Variants in SON observed in about 807,000 individuals in gnomAD.
The protein encoded by SON is SON DNA and RNA binding protein, also known as protein SON.
SON carries 4 observed loss-of-function variants against 173.3 expected under a neutral mutation model. The ratio of observed to expected loss-of-function variants is 0.02; its 90% CI spans 0.01 to 0.05. The LOEUF (loss-of-function observed/expected upper bound fraction) is 0.05. Among genes scored for constraint, SON ranks in the 10% least tolerant of loss-of-function variants. SON has a pLI of 1.00. For missense variants in SON, 2,626 were observed against 3,055.3 expected (o/e 0.86, Z 3.31); for synonymous variants, 1,190 against 1,105.9 (o/e 1.08, Z -1.51).
chr21:33,564,946 T>C (rs1451477369), intron 6 of SON, among the ~76,000 whole-genome samples: 1 of 151,874 alleles, frequency 6.6e-6, no homozygotes, highest in Non-Finnish European at 1.5e-5. Flanking sequence ...GCTCCCTTGG[T>C]AAGTCTGTTG....
In SON at chr21:33,575,806, G is replaced by A. The variant is rs751542961; in HGVS notation, c.7134G>A (p.Glu2378=). ...SGKHPVSALM[E]ICNKRRWQPP... ...AACATCCTGTGTCTGCTTTGATGGA[G>A]ATCTGTAATAAAAGAAGGTGGCAAC... is the stretch of plus-strand genomic sequence containing the variant. The change falls in exon 11 of 12, where the codon GAG becomes GAA. Residue 2378 remains glutamate (E), a synonymous_variant. Transcript: ENST00000356577. The A allele has an allele frequency of 7.4e-6, 12 of 1,611,822 alleles. No individual in the cohort carries two copies. In the South Asian group the frequency reaches 1.3e-4, roughly 18 times the overall value.
At chr21:33,547,066 C>T (rs1044130603) in intron 2 of SON, 3 of 152,206 alleles carry the variant, frequency 2.0e-5, no homozygotes, top group African/African-American at 7.2e-5. Flanking sequence ...CCTCCGCCTC[C>T]CAGGTTCAAG....
intron 6 of SON, among the ~76,000 whole-genome samples, chr21:33,562,623 T>C (rs1375717071): frequency 1.3e-5 from 2 of 152,172 alleles, no homozygotes; most frequent in African/African-American, 4.8e-5. Flanking sequence ...CATCAGACTG[T>C]GTGCGGTACT....
chr21:33,555,107 C>T lies in SON; in HGVS notation c.5876C>T (p.Thr1959Ile). Residue 1959 changes from threonine (T) to isoleucine (I), a missense_variant, in exon 3 of 12, where the codon ACC (threonine) becomes ATC (isoleucine). Thr to Ile is a moderately conservative substitution (Grantham distance 89, BLOSUM62 -1). Coordinates refer to ENST00000356577, the MANE Select transcript of SON (RefSeq NM_138927.4). ...FSISPSRRSR[T>I]PSRRSRTPSR... ...ATTTCCCCAAGCCGCCGCAGCCGCA[C>T]CCCCAGCCGCCGCAGCCGCACCCCC... is the stretch of plus-strand genomic sequence containing the variant. 6.7e-7 allele frequency: 1 copy of T among 1,502,716 alleles called. No individual in the cohort carries two copies. Among genetic ancestry groups the T allele is most frequent in the East Asian group, 2.6e-5 (1 of 37,926 alleles). The allele number at this position is 1,502,716 out of a possible 1,614,324, so 93.1% of individuals were successfully genotyped here. A position where few individuals can be genotyped will look rare whatever the true frequency, so the allele number is the denominator to read the frequency against.
intron 1 of SON, chr21:33,543,437 T>C (rs36205360): frequency 0.011 from 5,329 of 491,578 alleles, 239 homozygotes; most frequent in African/African-American, 0.093. Context: ...CTCCCCTGTT[T>C]GGGTCCCCCC....
intron 9 of SON, among the ~76,000 whole-genome samples, chr21:33,574,775 G>A (rs1370725141): frequency 6.6e-6 from 1 of 152,168 alleles, no homozygotes; most frequent in African/African-American, 2.4e-5. Context: ...AGCAGTGTTT[G>A]GGTTTAGCAA....
chr21:33,546,256 A>G lies in SON; in HGVS notation c.121A>G (p.Ile41Val), dbSNP rs202224123. 2.3e-5 allele frequency: 37 copies of G among 1,613,962 alleles called. No homozygotes were observed. The Admixed American group carries it at 4.5e-4, about 20-fold the overall frequency. Residue 41 changes from isoleucine to valine, a missense_variant, in exon 2 of 12, where the codon ATT becomes GTT. By Grantham distance (29) the Ile-to-Val change is conservative. Around this residue, in one of 13 missense-constraint regions of SON, gnomAD observed 757 missense variants for 730.1 expected, o/e 1.04. Transcript: ENST00000356577. ...GQLNGETNTP[I>V]EGNQAGDAAA... ...GCTGAATGGTGAAACAAATACACCC[A>G]TTGAAGGAAACCAGGCGGGTGATGC...
chr21:33,545,610 T>C (rs2085596124), intron 1 of SON, among the ~76,000 whole-genome samples: 1 of 152,264 alleles, frequency 6.6e-6, no homozygotes, highest in Non-Finnish European at 1.5e-5. Flanking sequence ...ATGCCACTTG[T>C]TTTATGTGAG....
intron 8 of SON, chr21:33,569,452 TC>T: frequency 3.0e-6 from 1 of 331,910 alleles, no homozygotes; most frequent in South Asian, 2.5e-5. Context: ...CTCAAATTTT[TC>T]TTCATCATGG....
At chr21:33,560,652 GTTTAC>G (rs1192914028) in intron 6 of SON, 3 of 942,618 alleles carry the variant, frequency 3.2e-6, no homozygotes, top group African/African-American at 3.6e-5. Context: ...TTAATAAACA[GTTTAC>G]TTTTATTTAA....
chr21:33,559,146 G>T lies in SON; in HGVS notation c.6322-84G>T. 9.2e-7 allele frequency: 1 copy of T among 1,087,420 alleles called. No individual in the cohort carries two copies. Among genetic ancestry groups the T allele is most frequent in the South Asian group, 1.8e-5 (1 of 54,852 alleles). 67.4% of individuals were successfully genotyped at this position (1,087,420 alleles called of 1,614,324 possible). ...GAATCTTGTTTAACTTTGGAAAGTT[G>T]CTATTATGTGGTTTTGATTCTAAGA... On this transcript the variant is annotated intron_variant, in intron 4 of 11. Coordinates refer to ENST00000356577, the MANE Select transcript of SON (RefSeq NM_138927.4). The surrounding 1 kb of genome is among the most constrained non-coding windows in gnomAD (Gnocchi z 4.1).
intron 1 of SON, among the ~76,000 whole-genome samples, chr21:33,544,373 CA>C (rs918129323): frequency 9.1e-4 from 138 of 152,290 alleles, no homozygotes; most frequent in Middle Eastern, 3.4e-3. Flanking sequence ...ATTTTCCTGA[CA>C]AATCTCTGGC....
intron 9 of SON, among the ~76,000 whole-genome samples, chr21:33,575,195 C>T (rs1407911256): frequency 6.6e-6 from 1 of 152,016 alleles, no homozygotes; most frequent in Non-Finnish European, 1.5e-5. Flanking sequence ...ACCACCACGC[C>T]CGGCTAATTT....
chr21:33,553,766 A>T lies in SON; in HGVS notation c.4535A>T (p.Glu1512Val). Residue 1512 changes from glutamate to valine, a missense_variant, in exon 3 of 12, where the codon GAA (glutamate) becomes GTA (valine). Glu to Val is a moderately radical substitution (Grantham distance 121). Around this residue, in one of 13 missense-constraint regions of SON, gnomAD observed 1,006 missense variants for 895.6 expected, o/e 1.12. Transcript: ENST00000356577. Reference protein sequence around the residue: ...MQEIALHSGEEPHAEEHLKGD... With the variant: ...MQEIALHSGEVPHAEEHLKGD... ...GAGATTGCATTGCATTCAGGTGAAG[A>T]ACCACATGCTGAGGAACACCTGAAA... The T allele has an allele frequency of 1.2e-6, 2 of 1,614,136 alleles. No homozygotes were observed. The highest frequency in any genetic ancestry group is 1.7e-6 in the Non-Finnish European group (2 of 1,180,006).
intron 2 of SON, among the ~76,000 whole-genome samples, chr21:33,548,164 G>A (rs1206697265): frequency 2.0e-5 from 3 of 152,134 alleles, no homozygotes; most frequent in African/African-American, 4.8e-5. Flanking sequence ...TTTAGGGTAT[G>A]TAAATTCAAA....
intron 6 of SON, 105 bp from the exon 7 acceptor site, chr21:33,567,052 G>A (rs1345001368): frequency 1.7e-6 from 1 of 583,576 alleles, no homozygotes; most frequent in Non-Finnish European, 3.1e-6. Flanking sequence ...AGTATTATAA[G>A]ACTATTATTT....
intron 9 of SON, among the ~76,000 whole-genome samples, chr21:33,575,084 A>G (rs892963463): frequency 2.6e-5 from 4 of 152,008 alleles, no homozygotes; most frequent in Non-Finnish European, 5.9e-5. Context: ...CTCGTTGCCC[A>G]GGCTGTCAGT....
rs907150993 is a variant in SON, at chr21:33,552,855, A to G, written c.3624A>G (p.Val1208=). 9.9e-6 allele frequency: 16 copies of G among 1,613,816 alleles called. No homozygotes were observed. Among genetic ancestry groups the G allele is most frequent in the East Asian group, 4.5e-5 (2 of 44,900 alleles). The change falls in exon 3 of 12, where the codon GTA becomes GTG. Residue 1208 remains valine, a synonymous_variant. Coordinates refer to ENST00000356577, the MANE Select transcript of SON (RefSeq NM_138927.4). The surrounding 1 kb of genome is among the most constrained non-coding windows in gnomAD (Gnocchi z 5.6). ...EVPSSPSEES[V]SQPEPPVSQS... is the part of the protein sequence containing the mutation. ...CATCATCACCATCTGAAGAGTCTGT[A>G]TCGCAGCCTGAGCCTCCTGTGAGTC...
chr21:33,555,571 T>C (rs1008260474), intron 3 of SON, among the ~76,000 whole-genome samples, 180 bp downstream of exon 3: 2 of 152,252 alleles, frequency 1.3e-5, no homozygotes, highest in Admixed American at 1.3e-4. Flanking sequence ...GTATTATAAT[T>C]AGAGTTAAAA....
Sources: gnomAD v4.1 joint callset for allele counts (sites outside exome capture counted in the v4.1 genomes callset) on GRCh38, gnomAD v4.1.1 for gene constraint, gnomAD v4.1.1 regional missense constraint, Gnocchi (gnomAD v3.1) non-coding constraint, MANE v1.5 for transcripts, NCBI Gene and HGNC (gene_info 2026-07-23, HGNC 2026-07-21) for gene names.